The following EIF4G3 variants were observed in gnomAD, a reference collection of about 807,000 sequenced individuals.
The protein encoded by EIF4G3 is eIF-4-gamma 3.
Under a neutral mutation model 186.4 loss-of-function variants are expected in EIF4G3, and 34 were observed. That is an observed-to-expected ratio of 0.18 (90% CI 0.14 to 0.24). The LOEUF (loss-of-function observed/expected upper bound fraction) is 0.24, where lower values mean the gene tolerates loss of function less well. Among genes scored for constraint, EIF4G3 ranks in the 10% least tolerant of loss-of-function variants. The pLI, the probability that EIF4G3 is intolerant of heterozygous loss-of-function variation, is 1.00. For missense variants in EIF4G3, 1,536 were observed against 1,948.5 expected (o/e 0.79, Z 3.99); for synonymous variants, 673 against 679.5 (o/e 0.99, Z 0.15).
At chr1:20,848,058 C>T (rs182184675) in intron 29 of EIF4G3, 20 of 326,590 alleles carry the variant, frequency 6.1e-5, no homozygotes, top group African/African-American at 3.8e-4. Flanking sequence ...CTCTGCCTCC[C>T]GGGCTTCAAG....
At chr1:20,892,185 A>G (rs2086302252) in intron 18 of EIF4G3, among the ~76,000 whole-genome samples, 1 of 152,250 alleles carries the variant, frequency 6.6e-6, no homozygotes, top group Non-Finnish European at 1.5e-5. Context: ...GTGATGCGGA[A>G]ACAAAAAGTG....
intron 2 of EIF4G3, among the ~76,000 whole-genome samples, chr1:21,096,916 A>G (rs2096387137): frequency 6.6e-6 from 1 of 152,234 alleles, no homozygotes; most frequent in Non-Finnish European, 1.5e-5. Context: ...TAGAAGTTTC[A>G]GTGATGGAAC....
Position 21,096,555 on chromosome 1 carries a change from A to G in EIF4G3, c.-271-7342T>C, listed in dbSNP as rs183381284. Among the ~76,000 whole-genome samples, 213 of 152,350 alleles carry G rather than the reference A, an allele frequency of 1.4e-3. 2 individuals carry two copies. The highest frequency in any genetic ancestry group is 7.8e-4 in the Non-Finnish European group (53 of 68,036). On this transcript the variant is annotated intron_variant, in intron 2 of 36. Transcript: ENST00000602326. Reference sequence around the variant, plus strand: ...CTGTGAAGAAATATCAGTAACAAAAACAAGTTGAAGTTAACAATTCCAGTT... The same window carrying G: ...CTGTGAAGAAATATCAGTAACAAAAGCAAGTTGAAGTTAACAATTCCAGTT...
chr1:21,118,035 C>T (rs1198021455), intron 2 of EIF4G3, among the ~76,000 whole-genome samples: 3 of 152,186 alleles, frequency 2.0e-5, no homozygotes, highest in African/African-American at 7.2e-5. Context: ...CCACAGAGGA[C>T]ACAGTCTTTT....
chr1:20,884,560 T>C (rs908903495), intron 19 of EIF4G3, among the ~76,000 whole-genome samples: 19 of 152,148 alleles, frequency 1.2e-4, no homozygotes, highest in African/African-American at 3.1e-4. Context: ...CTCACGGAGA[T>C]TGGAGAGAAG....
At position 20,919,022 on chromosome 1, in the gene EIF4G3, A is replaced by C. The variant is rs372326738; in HGVS notation, c.1664-14051T>G. 1.6e-3 allele frequency among the ~76,000 whole-genome samples: 246 copies of C among 151,890 alleles called. 3 individuals are homozygous for C. Among genetic ancestry groups the C allele is most frequent in the African/African-American group, 5.6e-3 (234 of 41,456 alleles). ...TCTACACTCACTAATGAGGTTAAGCATTTTTTCCTTTTTTTGTTTTTGGTT... is the reference window on the plus strand; with the variant it reads ...TCTACACTCACTAATGAGGTTAAGCCTTTTTTCCTTTTTTTGTTTTTGGTT... On this transcript the variant is annotated intron_variant, in intron 14 of 36. Coordinates refer to ENST00000602326, the MANE Select transcript of EIF4G3 (RefSeq NM_001391906.1).
intron 36 of EIF4G3, among the ~76,000 whole-genome samples, chr1:20,809,043 G>A (rs920835611): frequency 1.3e-5 from 2 of 151,508 alleles, no homozygotes; most frequent in East Asian, 1.9e-4. Context: ...GCATGATCTC[G>A]GCTCATTGCA....
intron 24 of EIF4G3, among the ~76,000 whole-genome samples, chr1:20,859,936 TTCTG>T (rs1440083975): frequency 6.6e-6 from 1 of 152,218 alleles, no homozygotes; most frequent in Non-Finnish European, 1.5e-5. Flanking sequence ...TCTTTCAGCT[TTCTG>T]TCTCTCTTCT....
At chr1:21,130,700 G>A (rs1431720552) in intron 2 of EIF4G3, among the ~76,000 whole-genome samples, 1 of 151,942 alleles carries the variant, frequency 6.6e-6, no homozygotes, top group Non-Finnish European at 1.5e-5. Context: ...AGAGAAAAAA[G>A]CAATAAATAC....
At chr1:20,869,878 A>G (rs929362512) in intron 20 of EIF4G3, among the ~76,000 whole-genome samples, 4 of 151,784 alleles carry the variant, frequency 2.6e-5, no homozygotes, top group Admixed American at 2.6e-4. Context: ...GTGACATACT[A>G]TTTTCTATCA....
intron 4 of EIF4G3, among the ~76,000 whole-genome samples, chr1:21,034,719 A>C (rs1043805121): frequency 2.0e-5 from 3 of 152,228 alleles, no homozygotes; most frequent in African/African-American, 7.2e-5. Context: ...TATAGACACC[A>C]AGGCGAATGG....
chr1:20,879,292 T>C (rs2081662539), intron 20 of EIF4G3, 31 bp downstream of exon 20: 3 of 1,531,698 alleles, frequency 2.0e-6, no homozygotes, highest in Non-Finnish European at 2.6e-6. Context: ...CTCTTGAAGA[T>C]TTCTCGTTTT....
At chr1:20,940,454 G>C (rs2095672475) in intron 14 of EIF4G3, among the ~76,000 whole-genome samples, 1 of 152,102 alleles carries the variant, frequency 6.6e-6, no homozygotes, top group African/African-American at 2.4e-5. Context: ...AACTGAGCTG[G>C]GTAGAAAAGC....
intron 4 of EIF4G3, among the ~76,000 whole-genome samples, chr1:21,046,520 T>C (rs1375260077): frequency 6.6e-6 from 1 of 152,242 alleles, no homozygotes; most frequent in African/African-American, 2.4e-5. Flanking sequence ...TCACTTTTCT[T>C]CAGCTTAGCT....
intron 2 of EIF4G3, among the ~76,000 whole-genome samples, chr1:21,147,931 G>A (rs1183857521): frequency 3.3e-5 from 5 of 152,136 alleles, no homozygotes; most frequent in Non-Finnish European, 7.3e-5. Context: ...TACACTGCAG[G>A]TAAAGTGAAA....
Position 21,067,480 on chromosome 1 carries a change from G to A in EIF4G3, c.-195-16486C>T, listed in dbSNP as rs374337282. Reference sequence around the variant, plus strand: ...AGGTATCTGATTTAACATTTAATGAGCAAATTCACATTAAATATTAACAAC... The same window carrying A: ...AGGTATCTGATTTAACATTTAATGAACAAATTCACATTAAATATTAACAAC... On this transcript the variant is annotated intron_variant, in intron 3 of 36. Transcript: ENST00000602326. Among the ~76,000 whole-genome samples the A allele has an allele frequency of 2.8e-4, 43 of 152,050 alleles. 3 individuals are homozygous for A. Among genetic ancestry groups the A allele is most frequent in the African/African-American group, 8.2e-4 (34 of 41,474 alleles).
At chr1:20,822,637 G>T (rs2062707645) in intron 33 of EIF4G3, among the ~76,000 whole-genome samples, 2 of 148,322 alleles carry the variant, frequency 1.3e-5, no homozygotes, top group Admixed American at 6.7e-5. Context: ...GCCTGGGCTG[G>T]TCTCTCAAGC....
chr1:20,925,449 G>A (rs927456664), intron 14 of EIF4G3, among the ~76,000 whole-genome samples: 7 of 152,124 alleles, frequency 4.6e-5, no homozygotes, highest in African/African-American at 1.7e-4. Context: ...ATTAATAACG[G>A]TATTATGTTA....
At chr1:20,903,921 AG>A (rs1327981416) in intron 15 of EIF4G3, among the ~76,000 whole-genome samples, 1 of 152,242 alleles carries the variant, frequency 6.6e-6, no homozygotes, top group African/African-American at 2.4e-5. Context: ...CTAAAAGAAT[AG>A]TCAAAAAAAG....
Sources: gnomAD v4.1 joint callset for allele counts (sites outside exome capture counted in the v4.1 genomes callset) on GRCh38, gnomAD v4.1.1 for gene constraint, MANE v1.5 for transcripts, NCBI Gene and HGNC (gene_info 2026-07-23, HGNC 2026-07-21) for gene names.